Variants in RTKN2 observed in about 807,000 individuals in gnomAD.
RTKN2 encodes rhotekin-2.
In RTKN2, 69 loss-of-function variants were observed where a neutral mutation model predicts 71.5. The observed-to-expected ratio is 0.96, with a 90% CI of 0.79 to 1.18. The LOEUF (loss-of-function observed/expected upper bound fraction) is 1.18, where lower values mean the gene tolerates loss of function less well. Ranked by LOEUF, RTKN2 falls within the 50% of genes most tolerant of loss-of-function variation. RTKN2 has a pLI of 0.00. For missense variants in RTKN2, 724 were observed against 719.7 expected (o/e 1.01, Z -0.07); for synonymous variants, 236 against 236.5 (o/e 1.00, Z 0.02).
intron 6 of RTKN2, among the ~76,000 whole-genome samples, chr10:62,225,784 CTTTT>C (rs71470801): frequency 1.4e-5 from 2 of 140,236 alleles, no homozygotes; most frequent in Non-Finnish European, 1.6e-5. Context: ...ATTTTCTTTT[CTTTT>C]TTTTTTTTTT....
At chr10:62,214,965 T>C in intron 9 of RTKN2, 2 of 731,792 alleles carry the variant, frequency 2.7e-6, no homozygotes, top group South Asian at 1.9e-5. Flanking sequence ...TCTGAGACTA[T>C]TTCTTCACTT....
intron 6 of RTKN2, among the ~76,000 whole-genome samples, chr10:62,226,040 C>T (rs1419801870): frequency 6.6e-6 from 1 of 152,148 alleles, no homozygotes; most frequent in East Asian, 1.9e-4. Context: ...CCTTGGCCTC[C>T]CAAAGTGCTG....
Position 62,198,031 on chromosome 10 carries a change from T to A in RTKN2, c.1707A>T (p.Arg569Ser), listed in dbSNP as rs1256053248. ...TGTCTGTGTGCTCACCATCACTTAATCTATTTCTCCTGGCAGGCAGAAGTT... is the reference window on the plus strand; with the variant it reads ...TGTCTGTGTGCTCACCATCACTTAAACTATTTCTCCTGGCAGGCAGAAGTT... The part of the protein sequence containing the change: ...PRKLLPARRN[R>S]LSDGEHTDTK... Residue 569 changes from arginine (R) to serine (S), a missense_variant, in exon 12 of 12, where the codon AGA (arginine) becomes AGT (serine). Coordinates refer to ENST00000373789, the MANE Select transcript of RTKN2 (RefSeq NM_145307.4). 2 of 1,614,100 alleles carry A rather than the reference T, an allele frequency of 1.2e-6. No homozygotes were observed.
intron 2 of RTKN2, among the ~76,000 whole-genome samples, chr10:62,262,303 A>G (rs1039688973): frequency 2.0e-5 from 3 of 152,220 alleles, no homozygotes. Context: ...TTATATTAGC[A>G]TATTTCTAAG....
In RTKN2 at chr10:62,268,748, G is replaced by C; in HGVS notation, c.-138C>G. ...GTCGCAGGGGCCGGGGGCGCAGGAG[G>C]AGCCGGGCCGAAGCGCACGCGCAGT... On this transcript the variant is annotated 5_prime_UTR_variant, in exon 1 of 12. Coordinates refer to ENST00000373789, the MANE Select transcript of RTKN2 (RefSeq NM_145307.4). 1.1e-6 allele frequency: 1 copy of C among 881,496 alleles called. No individual in the cohort carries two copies. Among genetic ancestry groups the C allele is most frequent in the Non-Finnish European group, 1.7e-6 (1 of 588,132 alleles). 54.6% of individuals were successfully genotyped at this position (881,496 alleles called of 1,614,324 possible).
intron 2 of RTKN2, among the ~76,000 whole-genome samples, chr10:62,247,127 G>A (rs1397081684): frequency 6.6e-6 from 1 of 151,946 alleles, no homozygotes; most frequent in Non-Finnish European, 1.5e-5. Context: ...AAGGCTTCTG[G>A]AGAAAGACTG....
At chr10:62,238,894 T>A (rs909838702) in intron 5 of RTKN2, 5 of 152,062 alleles carry the variant, frequency 3.3e-5, no homozygotes, top group African/African-American at 1.2e-4. Flanking sequence ...TAGTAGCTAT[T>A]AACATTTAGA....
At chr10:62,239,889 A>G in intron 4 of RTKN2, 124 bp from the exon 5 acceptor site, 1 of 616,170 alleles carries the variant, frequency 1.6e-6, no homozygotes, top group Non-Finnish European at 2.9e-6. Context: ...TGTATACTGT[A>G]ACCCTTAAGT....
At chr10:62,207,391 T>C (rs1046441410) in intron 9 of RTKN2, among the ~76,000 whole-genome samples, 2 of 152,138 alleles carry the variant, frequency 1.3e-5, no homozygotes, top group African/African-American at 2.4e-5. Flanking sequence ...TTAACTTCTA[T>C]ATGTTATCAT....
At chr10:62,254,456 C>T (rs565268352) in intron 2 of RTKN2, among the ~76,000 whole-genome samples, 1 of 152,284 alleles carries the variant, frequency 6.6e-6, no homozygotes, top group East Asian at 1.9e-4. Context: ...AATTAAACCT[C>T]TTTTCTTCTT....
chr10:62,212,962 T>C (rs1347553966), intron 9 of RTKN2, among the ~76,000 whole-genome samples: 1 of 152,136 alleles, frequency 6.6e-6, no homozygotes, highest in Non-Finnish European at 1.5e-5. Flanking sequence ...ACCAATGCTA[T>C]ACCAATACAT....
chr10:62,186,025 C>T (rs1172700014), intron 8 of RTKN2, among the ~76,000 whole-genome samples: 1 of 152,196 alleles, frequency 6.6e-6, no homozygotes, highest in Non-Finnish European at 1.5e-5. Context: ...AAAGGCCAGT[C>T]GGTGAAAGTA....
intron 8 of RTKN2, among the ~76,000 whole-genome samples, chr10:62,187,571 G>A (rs1028206761): frequency 6.6e-6 from 1 of 152,144 alleles, no homozygotes; most frequent in Non-Finnish European, 1.5e-5. Flanking sequence ...AGAGCTGCTA[G>A]GCAAGAAAAA....
intron 1 of RTKN2, among the ~76,000 whole-genome samples, chr10:62,264,120 T>C (rs1005841836): frequency 1.3e-5 from 2 of 152,122 alleles, no homozygotes; most frequent in Non-Finnish European, 2.9e-5. Context: ...AAAATGTAAA[T>C]TTAAAAATGT....
chr10:62,189,947 T>C (rs1253574026), downstream of RTKN2, among the ~76,000 whole-genome samples: 1 of 152,106 alleles, frequency 6.6e-6, no homozygotes. Context: ...CTTCAAGGTC[T>C]GGTTCAAATA....
At chr10:62,218,169 T>G (rs761745584) in intron 8 of RTKN2, 26 bp downstream of exon 8, 1 of 1,393,600 alleles carries the variant, frequency 7.2e-7, no homozygotes, top group Admixed American at 1.7e-5. Context: ...GCTACAATTG[T>G]TGTAGGATAT....
At position 62,217,132 on chromosome 10, in the gene RTKN2, C is replaced by A. The variant is rs1369157027; in HGVS notation, c.1006G>T (p.Val336Leu). ...IEAKVEPALV[V>L]PINKETRIRA... ...ATTTCCTTTACCTTGTTAATGGGTA[C>A]TACCAAAGCTGGTTCCACTTTAGCT... The change falls in exon 9 of 12, where the codon GTA becomes TTA. Residue 336 changes from valine to leucine, a missense_variant. By Grantham distance (32) the Val-to-Leu change is conservative. Transcript: ENST00000373789. 1 of 1,578,028 alleles carries A rather than the reference C, an allele frequency of 6.3e-7. No individual in the cohort carries two copies.
At chr10:62,248,688 G>A (rs943152102) in intron 2 of RTKN2, among the ~76,000 whole-genome samples, 2 of 152,156 alleles carry the variant, frequency 1.3e-5, no homozygotes, top group Non-Finnish European at 2.9e-5. Context: ...ATTTCTGCCT[G>A]TAGGTAAATA....
rs1842919645 is a variant in RTKN2, at chr10:62,268,829, T to C, written c.-219A>G. The C allele has an allele frequency of 1.9e-6, 1 of 525,728 alleles. No homozygotes were observed. Among genetic ancestry groups the C allele is most frequent in the South Asian group, 2.6e-5 (1 of 38,502 alleles). 32.6% of individuals were successfully genotyped at this position (525,728 alleles called of 1,614,324 possible). On this transcript the variant is annotated 5_prime_UTR_variant, in exon 1 of 12. Coordinates refer to ENST00000373789, the MANE Select transcript of RTKN2 (RefSeq NM_145307.4). ...GCCGGAAGTTGCCGAGACCCCAGGC[T>C]CTAGCGCGGCGGGGCGGGGGAGAGG...
Sources: gnomAD v4.1 joint callset for allele counts (sites outside exome capture counted in the v4.1 genomes callset) on GRCh38, gnomAD v4.1.1 for gene constraint, MANE v1.5 for transcripts, NCBI Gene and HGNC (gene_info 2026-07-23, HGNC 2026-07-21) for gene names.